GBF1: variants seen among roughly 807,000 people sequenced by gnomAD.
GBF1 encodes Golgi-specific brefeldin A-resistance guanine nucleotide exchange factor 1.
Under a neutral mutation model 210.5 loss-of-function variants are expected in GBF1, and 114 were observed. That is an observed-to-expected ratio of 0.54 (90% CI 0.47 to 0.63). The LOEUF is 0.63. GBF1 is among the 30% of genes least tolerant of loss of function. The pLI is 0.00. For missense variants in GBF1, 1,851 were observed against 2,357.7 expected (o/e 0.79, Z 4.45); for synonymous variants, 850 against 889.2 (o/e 0.96, Z 0.78).
chr10:102,376,730 C>T lies in GBF1; in HGVS notation c.4218C>T (p.His1406=). The change falls in exon 32 of 40, where the codon CAC becomes CAT. Residue 1406 remains histidine, a synonymous_variant. Coordinates refer to ENST00000369983, the MANE Select transcript of GBF1 (RefSeq NM_001377137.1). The part of the protein sequence containing the change: ...SLSFIVRDAA[H]ITPDNFELCV... ...CCTTCATTGTGCGTGATGCTGCCCA[C>T]ATCACACCTGACAACTTTGAGCTCT... is the stretch of plus-strand genomic sequence containing the variant. 6.2e-7 allele frequency: 1 copy of T among 1,611,722 alleles called. No individual in the cohort carries two copies. Among genetic ancestry groups the T allele is most frequent in the Non-Finnish European group, 8.5e-7 (1 of 1,179,806 alleles).
Position 102,377,109 on chromosome 10 carries a change from AC to A in GBF1, c.4465del (p.His1489IlefsTer12). The A allele has an allele frequency of 6.2e-7, 1 of 1,614,064 alleles. No homozygotes were observed. Among genetic ancestry groups the A allele is most frequent in the Non-Finnish European group, 8.5e-7 (1 of 1,179,968 alleles). On this transcript the variant is annotated frameshift_variant, in exon 33 of 40. Coordinates refer to ENST00000369983, the MANE Select transcript of GBF1 (RefSeq NM_001377137.1). LOFTEE classifies it high-confidence loss of function. ...DDEDEGVPAS[Y>X]HTVSLQVSQD... ...GAGGACGAAGGCGTGCCTGCCAGCTACCATACGGTGTCTTTACAGGTCAGTC... is the reference window on the plus strand; with the variant it reads ...GAGGACGAAGGCGTGCCTGCCAGCTACATACGGTGTCTTTACAGGTCAGTC...
upstream of GBF1, among the ~76,000 whole-genome samples, chr10:102,244,120 ACTCT>A (rs1040404453): frequency 6.6e-6 from 1 of 152,052 alleles, no homozygotes; most frequent in Non-Finnish European, 1.5e-5. Flanking sequence ...ACAAAGCAAG[ACTCT>A]CTCAAAACAA....
chr10:102,294,790 G>T (rs184495788), intron 3 of GBF1, among the ~76,000 whole-genome samples: 1 of 152,252 alleles, frequency 6.6e-6, no homozygotes, highest in African/African-American at 2.4e-5. Context: ...ACAGTAACAG[G>T]CTGTACAGGT....
chr10:102,376,601 C>T lies in GBF1; in HGVS notation c.4089C>T (p.Ser1363=). 6.2e-7 allele frequency: 1 copy of T among 1,612,906 alleles called. No individual in the cohort carries two copies. Among genetic ancestry groups the T allele is most frequent in the South Asian group, 1.1e-5 (1 of 91,050 alleles). The change falls in exon 32 of 40, where the codon AGC becomes AGT. Residue 1363 remains serine (S), a synonymous_variant. Coordinates refer to ENST00000369983, the MANE Select transcript of GBF1 (RefSeq NM_001377137.1). The part of the protein sequence containing the change: ...DDVDNSKPGP[S]RPGPSPLINQ... The stretch of plus-strand genomic sequence containing the variant: ...TTGATAACTCCAAGCCAGGGCCCAG[C>T]CGCCCAGGCCCTTCACCCCTGATCA...
At chr10:102,375,805 CTGTCCTGAGGACTGATT>C (rs1207662285) in intron 30 of GBF1, among the ~76,000 whole-genome samples, 13 of 152,094 alleles carry the variant, frequency 8.5e-5, no homozygotes, top group Admixed American at 2.0e-4. Context: ...AGGCTTCCTA[CTGTCCTGAGGACTGATT>C]TGTCCTGAGG....
At chr10:102,292,089 C>G (rs1341968188) in intron 3 of GBF1, among the ~76,000 whole-genome samples, 1 of 151,842 alleles carries the variant, frequency 6.6e-6, no homozygotes, top group African/African-American at 2.4e-5. Flanking sequence ...CGGGGTTTCA[C>G]TGTGTTAGCC....
chr10:102,358,756 C>T, intron 10 of GBF1, 27 bp downstream of exon 10: 1 of 1,402,740 alleles, frequency 7.1e-7, no homozygotes, highest in South Asian at 1.2e-5. Context: ...TAATGTCCCT[C>T]TTCAGTATTC....
chr10:102,282,182 G>A (rs915880340), intron 3 of GBF1, among the ~76,000 whole-genome samples: 2 of 151,116 alleles, frequency 1.3e-5, no homozygotes, highest in Non-Finnish European at 1.5e-5. Flanking sequence ...TGATCCACCC[G>A]CCTCGGCCTC....
At chr10:102,344,782 GTTAGGTTTAT>G (rs1302392157) in intron 4 of GBF1, among the ~76,000 whole-genome samples, 1 of 151,986 alleles carries the variant, frequency 6.6e-6, no homozygotes, top group Admixed American at 6.6e-5. Flanking sequence ...GCCTGGCCTG[GTTAGGTTTAT>G]TTTTAAAGTT....
chr10:102,261,230 T>A (rs1179419152), intron 3 of GBF1, among the ~76,000 whole-genome samples: 1 of 61,734 alleles, frequency 1.6e-5, no homozygotes, highest in Non-Finnish European at 2.9e-5. Flanking sequence ...TTAAGTACCT[T>A]ATATTTGTGT....
chr10:102,360,250 C>A lies in GBF1; in HGVS notation c.1247C>A (p.Thr416Asn), dbSNP rs1011724834. The change falls in exon 12 of 40, where the codon ACC (threonine) becomes AAC (asparagine). Residue 416 changes from threonine (T) to asparagine (N), a missense_variant. By Grantham distance (65) the Thr-to-Asn change is moderately conservative. This residue lies in a region of GBF1 where 804 missense variants were observed against 958.6 expected (regional missense o/e 0.84). Transcript: ENST00000369983. ...CTCTTCCGCTTCCTCATCTCCCTCA[C>A]CAATCCACACGACCGCCATAACTCA... ...RELFRFLISL[T>N]NPHDRHNSEV... 6.2e-7 allele frequency: 1 copy of A among 1,613,938 alleles called. No individual in the cohort carries two copies. Among genetic ancestry groups the A allele is most frequent in the Non-Finnish European group, 8.5e-7 (1 of 1,179,818 alleles).
intron 3 of GBF1, among the ~76,000 whole-genome samples, chr10:102,287,187 GTTATGTTA>G (rs1466732561): frequency 3.3e-5 from 5 of 151,840 alleles, no homozygotes; most frequent in Non-Finnish European, 7.4e-5. Flanking sequence ...TTAGTTTGAT[GTTATGTTA>G]TTATGTTATC....
At chr10:102,240,418 C>T (rs547587508), upstream of GBF1, among the ~76,000 whole-genome samples, 8 of 152,362 alleles carry the variant, frequency 5.3e-5, no homozygotes, top group South Asian at 4.1e-4. Context: ...CCTTTACTCT[C>T]GCTCCCTGCT....
At chr10:102,352,264 C>T (rs1041413419) in intron 6 of GBF1, among the ~76,000 whole-genome samples, 194 bp from the exon 7 acceptor site, 1 of 152,154 alleles carries the variant, frequency 6.6e-6, no homozygotes, top group African/African-American at 2.4e-5. Context: ...TATACCTCCC[C>T]TTTTTTCCCT....
Position 102,380,258 on chromosome 10 carries a change from C to T in GBF1, c.4888C>T (p.Gln1630Ter). ...GGCTGGTGGGCCATAGGTCTTCCTG[C>T]AGCACCTGTCTCCACTGCTGTCACT... ...ASTLLSKVFL[Q>*]HLSPLLSLST... The change falls in exon 37 of 40, where the codon CAG becomes TAG. Residue 1630 changes from glutamine to a stop codon, truncating the protein, a stop_gained. Coordinates refer to ENST00000369983, the MANE Select transcript of GBF1 (RefSeq NM_001377137.1). LOFTEE classifies it high-confidence loss of function. The T allele has an allele frequency of 6.2e-7, 1 of 1,612,274 alleles. No individual in the cohort carries two copies. The highest frequency in any genetic ancestry group is 8.5e-7 in the Non-Finnish European group (1 of 1,178,322).
chr10:102,259,783 C>T (rs954990194), intron 2 of GBF1, among the ~76,000 whole-genome samples: 1 of 152,060 alleles, frequency 6.6e-6, no homozygotes, highest in Non-Finnish European at 1.5e-5. Context: ...TATAAAGGAC[C>T]TGGCAATCTG....
chr10:102,275,509 A>G (rs1332608443), intron 3 of GBF1, among the ~76,000 whole-genome samples: 3 of 152,202 alleles, frequency 2.0e-5, no homozygotes, highest in Non-Finnish European at 2.9e-5. Context: ...GTGGTGAGGC[A>G]GTGAAACAGT....
chr10:102,266,126 C>G (rs2133213836), intron 3 of GBF1, among the ~76,000 whole-genome samples: 1 of 152,162 alleles, frequency 6.6e-6, no homozygotes, highest in East Asian at 1.9e-4. Context: ...GTAGTCCCAG[C>G]TACTCGGGAG....
At chr10:102,340,352 A>C (rs144553084) in intron 3 of GBF1, among the ~76,000 whole-genome samples, 7,440 of 143,764 alleles carry the variant, frequency 0.052, 368 homozygotes, top group African/African-American at 0.14. Context: ...CGCTCACTGC[A>C]AGCTCTGCCT....
Sources: allele counts gnomAD v4.1 joint callset (sites outside exome capture counted in the v4.1 genomes callset), GRCh38; gene constraint gnomAD v4.1.1; regional missense constraint gnomAD v4.1.1; transcripts MANE v1.5; gene names NCBI Gene and HGNC (gene_info 2026-07-23, HGNC 2026-07-21).